The following UGT1A6 variants were observed in gnomAD, a reference collection of about 807,000 sequenced individuals.
The protein encoded by UGT1A6 is UDP-glucuronosyltransferase 1A6.
Under a neutral mutation model 44.4 loss-of-function variants are expected in UGT1A6, and 32 were observed. The observed-to-expected ratio is 0.72, with a 90% CI of 0.54 to 0.97. The LOEUF is 0.97. UGT1A6 is among the 50% of genes least tolerant of loss of function. The pLI is 0.00. For synonymous variants in UGT1A6, 238 were observed against 248.5 expected (o/e 0.96, Z 0.40); for missense variants, 685 against 661.9 (o/e 1.03, Z -0.38).
rs781623948 is a variant in UGT1A6, at chr2:233,772,355, G to A, written c.1395G>A (p.Met465Ile). ...CCGTGTTCTGGGTGGAGTTTGTGAT[G>A]AGGCACAAGGGCGCGCCACACCTGC... Reference protein sequence around the residue: ...DLAVFWVEFVMRHKGAPHLRP... With the variant: ...DLAVFWVEFVIRHKGAPHLRP... The change falls in exon 5 of 5, where the codon ATG (methionine) becomes ATA (isoleucine). Residue 465 changes from methionine to isoleucine, a missense_variant. Met to Ile is a conservative substitution (Grantham distance 10, BLOSUM62 1). Coordinates refer to ENST00000305139, the MANE Select transcript of UGT1A6 (RefSeq NM_001072.4). 1 of 1,614,130 alleles carries A rather than the reference G, an allele frequency of 6.2e-7. No homozygotes were observed. Among genetic ancestry groups the A allele is most frequent in the Non-Finnish European group, 8.5e-7 (1 of 1,180,056 alleles).
rs1314129216 is a variant in UGT1A6, at chr2:233,719,046, A to T, written c.861+25181A>T. ...GCACATCAAAGAAGAGAAATTTTTC[A>T]CCCTGACAGCCTATGCTGTTCCATG... On this transcript the variant is annotated intron_variant, in intron 1 of 4. Coordinates refer to ENST00000305139, the MANE Select transcript of UGT1A6 (RefSeq NM_001072.4). 6.2e-7 allele frequency: 1 copy of T among 1,614,250 alleles called. No individual in the cohort carries two copies. Among genetic ancestry groups the T allele is most frequent in the Non-Finnish European group, 8.5e-7 (1 of 1,180,040 alleles).
At chr2:233,704,693 G>A (rs1034818342) in intron 1 of UGT1A6, among the ~76,000 whole-genome samples, 16 of 152,062 alleles carry the variant, frequency 1.1e-4, no homozygotes, top group African/African-American at 3.9e-4. Context: ...TTACCTTATG[G>A]TATCATTTCT....
Position 233,693,514 on chromosome 2 carries a change from C to T in UGT1A6, c.510C>T (p.Leu170=). 9.9e-6 allele frequency: 16 copies of T among 1,614,208 alleles called. No homozygotes were observed. The highest frequency in any genetic ancestry group is 1.4e-5 in the Non-Finnish European group (16 of 1,180,040). Residue 170 remains leucine, a synonymous_variant, in exon 1 of 5, where the codon CTC becomes CTT. Transcript: ENST00000305139. ...AEYLGLPSVY[L]FRGFPCSLEH... The stretch of plus-strand genomic sequence containing the variant: ...ATTTGGGCCTACCATCTGTGTACCT[C>T]TTCAGGGGTTTTCCGTGTTCCCTGG...
intron 1 of UGT1A6, among the ~76,000 whole-genome samples, chr2:233,764,593 G>A (rs3771341): frequency 0.33 from 49,748 of 151,964 alleles, 8,444 homozygotes; most frequent in African/African-American, 0.4. Flanking sequence ...TTTTCCAGAT[G>A]AGCTTCAGTG....
intron 1 of UGT1A6, among the ~76,000 whole-genome samples, chr2:233,706,175 G>C (rs1323395610): frequency 6.6e-6 from 1 of 152,214 alleles, no homozygotes; most frequent in African/African-American, 2.4e-5. Context: ...GGAATGTGGT[G>C]TGTCTGCCCA....
intron 1 of UGT1A6, among the ~76,000 whole-genome samples, chr2:233,742,528 A>G (rs896768700): frequency 1.3e-5 from 2 of 151,872 alleles, no homozygotes; most frequent in Admixed American, 6.5e-5. Flanking sequence ...AGTGCTGCAG[A>G]GATTTTGTTT....
intron 1 of UGT1A6, chr2:233,741,852 C>A (rs961100244): frequency 4.0e-5 from 6 of 151,852 alleles, no homozygotes; most frequent in Admixed American, 6.5e-5. Flanking sequence ...TGCTCTCATG[C>A]CTTATGCAAA....
At chr2:233,760,401 C>T (rs2125983506) in intron 1 of UGT1A6, 1 of 1,614,220 alleles carries the variant, frequency 6.2e-7, no homozygotes, top group Non-Finnish European at 8.5e-7. Flanking sequence ...TGGATGGCAG[C>T]CACTGGCTGA....
chr2:233,714,402 T>C (rs1318468382), intron 1 of UGT1A6, among the ~76,000 whole-genome samples: 1 of 152,160 alleles, frequency 6.6e-6, no homozygotes, highest in Non-Finnish European at 1.5e-5. Context: ...GTAGGTGCAA[T>C]GGATGTCTGT....
intron 1 of UGT1A6, among the ~76,000 whole-genome samples, chr2:233,733,605 C>T (rs2125780479): frequency 6.6e-6 from 1 of 152,304 alleles, no homozygotes; most frequent in East Asian, 1.9e-4. Flanking sequence ...TGATGGATTA[C>T]ATTTATTGAT....
intron 1 of UGT1A6, chr2:233,755,091 T>A (rs747522597): frequency 1.5e-6 from 2 of 1,335,830 alleles, no homozygotes; most frequent in African/African-American, 3.0e-5. Context: ...ATCGCGTTTC[T>A]ACGCGTCCGA....
At chr2:233,760,016 C>G (rs1456599640) in intron 1 of UGT1A6, among the ~76,000 whole-genome samples, 1 of 152,148 alleles carries the variant, frequency 6.6e-6, no homozygotes, top group African/African-American at 2.4e-5. Flanking sequence ...TTTAATGGAT[C>G]CTGAGGTTCT....
chr2:233,742,980 A>C (rs890471778), intron 1 of UGT1A6: 2 of 228,494 alleles, frequency 8.8e-6, no homozygotes, highest in African/African-American at 4.7e-5. Flanking sequence ...CTTAAGTTTA[A>C]TAAATAGCAA....
intron 1 of UGT1A6, among the ~76,000 whole-genome samples, chr2:233,721,082 T>C (rs2125680652): frequency 6.6e-6 from 1 of 152,322 alleles, no homozygotes; most frequent in South Asian, 2.1e-4. Flanking sequence ...TGAACTTCCA[T>C]GAGTTTAGGT....
rs28900381 is a variant in UGT1A6 at position 233,747,569 on chromosome 2, T to A, written c.862-19465T>A. The A allele has an allele frequency of 1.9e-3, 2,961 of 1,591,598 alleles. 126 individuals are homozygous for A. The African/African-American group carries it at 0.036, about 19-fold the overall frequency. Reference sequence around the variant, plus strand: ...CTAAAAGTATGGCAATTTTGAAAAATTCATCTTTGGTCTTTCATAGGTCTT... The same window carrying A: ...CTAAAAGTATGGCAATTTTGAAAAAATCATCTTTGGTCTTTCATAGGTCTT... On this transcript the variant is annotated intron_variant, in intron 1 of 4. Transcript: ENST00000305139.
intron 1 of UGT1A6, among the ~76,000 whole-genome samples, chr2:233,705,032 A>G (rs1039287692): frequency 4.6e-5 from 7 of 151,844 alleles, no homozygotes; most frequent in Admixed American, 2.0e-4. Flanking sequence ...GCTACTCGGG[A>G]GGCTGAGGCA....
At chr2:233,736,628 T>C (rs1418847955) in intron 1 of UGT1A6, among the ~76,000 whole-genome samples, 1 of 152,228 alleles carries the variant, frequency 6.6e-6, no homozygotes, top group Admixed American at 6.5e-5. Context: ...GCTTTTCTGC[T>C]CTAGTTTCCC....
At chr2:233,747,994 T>C (rs11888459) in intron 1 of UGT1A6, 570,680 of 1,612,980 alleles carry the variant, frequency 0.35, 103,977 homozygotes, top group African/African-American at 0.43. Context: ...CGAGGGGACT[T>C]TGTGATGGAT....
At chr2:233,739,373 G>T (rs1209050153) in intron 1 of UGT1A6, among the ~76,000 whole-genome samples, 1 of 152,200 alleles carries the variant, frequency 6.6e-6, no homozygotes, top group Non-Finnish European at 1.5e-5. Flanking sequence ...CTTGCACTGT[G>T]TGCCTGGAAG....
Sources: allele counts gnomAD v4.1 joint callset (sites outside exome capture counted in the v4.1 genomes callset), GRCh38; gene constraint gnomAD v4.1.1; transcripts MANE v1.5; gene names NCBI Gene and HGNC (gene_info 2026-07-23, HGNC 2026-07-21).